The following ATP2B2 variants were observed in gnomAD, a reference collection of about 807,000 sequenced individuals.
ATP2B2 encodes plasma membrane calcium-transporting ATPase 2.
In ATP2B2, 15 loss-of-function variants were observed where a neutral mutation model predicts 120.0. The ratio of observed to expected loss-of-function variants is 0.12; its 90% CI spans 0.08 to 0.19. ATP2B2 has a LOEUF of 0.19. ATP2B2 is among the 10% of genes least tolerant of loss of function. ATP2B2 has a pLI of 1.00. For missense variants in ATP2B2, 1,045 were observed against 1,719.8 expected (o/e 0.61, Z 6.94); for synonymous variants, 694 against 700.3 (o/e 0.99, Z 0.14).
intron 16 of ATP2B2, among the ~76,000 whole-genome samples, chr3:10,348,605 G>A (rs950583385): frequency 6.6e-6 from 1 of 152,184 alleles, no homozygotes; most frequent in African/African-American, 2.4e-5. Flanking sequence ...CTAGCCCTTT[G>A]CAGAGCAGTT....
intron 22 of ATP2B2, chr3:10,331,895 A>G: frequency 7.5e-7 from 1 of 1,337,690 alleles, no homozygotes; most frequent in East Asian, 2.5e-5. Context: ...TGGGTTCTAC[A>G]TACTCGAATG....
chr3:10,370,065 G>A (rs141421231), intron 12 of ATP2B2, among the ~76,000 whole-genome samples: 7 of 152,274 alleles, frequency 4.6e-5, no homozygotes, highest in Admixed American at 3.9e-4. Context: ...CAGATGGACC[G>A]ACTGACCCCT....
chr3:10,399,067 C>T (rs1483398476), intron 5 of ATP2B2, among the ~76,000 whole-genome samples: 1 of 152,212 alleles, frequency 6.6e-6, no homozygotes, highest in African/African-American at 2.4e-5. Flanking sequence ...CTCCAGCTTC[C>T]TGCCAGCATC....
intron 1 of ATP2B2, among the ~76,000 whole-genome samples, chr3:10,678,907 T>C (rs997501216): frequency 6.6e-6 from 1 of 152,098 alleles, no homozygotes; most frequent in African/African-American, 2.4e-5. Flanking sequence ...CAAAGGTAAA[T>C]AGATTTTGCA....
At chr3:10,702,249 C>T (rs1475897581) in intron 1 of ATP2B2, among the ~76,000 whole-genome samples, 1 of 152,132 alleles carries the variant, frequency 6.6e-6, no homozygotes, top group East Asian at 1.9e-4. Context: ...GCTGTGAGGA[C>T]TAGAAGGTAA....
chr3:10,484,471 C>T lies in ATP2B2; in HGVS notation c.-320+20994G>A, dbSNP rs971577936. Among the ~76,000 whole-genome samples the T allele has an allele frequency of 1.1e-4, 17 of 152,244 alleles. 1 individual carries two copies. The East Asian group carries it at 2.5e-3, about 23-fold the overall frequency. Reference sequence around the variant, plus strand: ...CCCCCACAGCCACCTCACTGCTGGCCGCGGGGGTCTCTGTGGCATTTTGAG... The same window carrying T: ...CCCCCACAGCCACCTCACTGCTGGCTGCGGGGGTCTCTGTGGCATTTTGAG... On this transcript the variant is annotated intron_variant, in intron 1 of 22. Coordinates refer to ENST00000360273, the MANE Select transcript of ATP2B2 (RefSeq NM_001001331.4).
intron 1 of ATP2B2, among the ~76,000 whole-genome samples, chr3:10,491,493 T>C (rs703904): frequency 0.68 from 103,757 of 152,106 alleles, 36,478 homozygotes; most frequent in African/African-American, 0.84. Context: ...CCCAATGTGC[T>C]GGGATTACAG....
At chr3:10,578,046 T>C (rs2068294712) in intron 2 of ATP2B2, among the ~76,000 whole-genome samples, 1 of 152,204 alleles carries the variant, frequency 6.6e-6, no homozygotes, top group East Asian at 1.9e-4. Context: ...CCCTGTGATC[T>C]AGGCCCTAGA....
At chr3:10,332,739 G>A (rs2060015092) in intron 22 of ATP2B2, among the ~76,000 whole-genome samples, 1 of 152,130 alleles carries the variant, frequency 6.6e-6, no homozygotes, top group Non-Finnish European at 1.5e-5. Context: ...TCCGGAGTCT[G>A]ACCTCTTGCC....
At chr3:10,661,515 T>C (rs1225391942) in intron 1 of ATP2B2, among the ~76,000 whole-genome samples, 1 of 152,084 alleles carries the variant, frequency 6.6e-6, no homozygotes, top group Non-Finnish European at 1.5e-5. Flanking sequence ...TCAAAGAGAA[T>C]GAAATACCTA....
intron 2 of ATP2B2, among the ~76,000 whole-genome samples, chr3:10,589,542 C>T (rs1357104826): frequency 2.0e-5 from 3 of 152,216 alleles, no homozygotes; most frequent in African/African-American, 7.2e-5. Context: ...GGGACAGGGT[C>T]TGCTTTGGAT....
rs113818021 is a variant in ATP2B2, at chr3:10,629,943, A to G, written c.-459-9982T>C. On this transcript the variant is annotated intron_variant, in intron 1 of 21. Coordinates refer to the ATP2B2 transcript ENST00000646379. ...AGTGTCTGATTGTAAACACACCCAA[A>G]TCTGTGACAAAGACTGGGCAAAGCC... is the stretch of plus-strand genomic sequence containing the variant. Among the ~76,000 whole-genome samples, 44 of 152,298 alleles carry G rather than the reference A, an allele frequency of 2.9e-4. 1 individual carries two copies. The highest frequency in any genetic ancestry group is 1.0e-3 in the African/African-American group (43 of 41,562).
At chr3:10,424,747 G>A (rs2063094486) in intron 2 of ATP2B2, among the ~76,000 whole-genome samples, 2 of 152,128 alleles carry the variant, frequency 1.3e-5, no homozygotes. Flanking sequence ...TACTAACATA[G>A]AAGACTCTCC....
chr3:10,521,673 T>C (rs1033707614), intron 3 of ATP2B2, among the ~76,000 whole-genome samples: 1 of 152,232 alleles, frequency 6.6e-6, no homozygotes, highest in Non-Finnish European at 1.5e-5. Flanking sequence ...AAGGTGCTTG[T>C]ATTGTGATAT....
At chr3:10,579,555 C>T (rs1225997224) in intron 2 of ATP2B2, among the ~76,000 whole-genome samples, 3 of 152,152 alleles carry the variant, frequency 2.0e-5, no homozygotes, top group Non-Finnish European at 4.4e-5. Context: ...ACACCTGTAA[C>T]TCCAGCACTT....
intron 2 of ATP2B2, among the ~76,000 whole-genome samples, chr3:10,535,280 ACCTC>A (rs1211739444): frequency 1.3e-5 from 2 of 151,918 alleles, no homozygotes; most frequent in African/African-American, 4.8e-5. Context: ...GATCCCATGC[ACCTC>A]CCTCCAGACT....
intron 2 of ATP2B2, among the ~76,000 whole-genome samples, chr3:10,584,112 GCTTTCCGCTTGGA>G (rs1575524336): frequency 6.6e-6 from 1 of 152,292 alleles, no homozygotes; most frequent in East Asian, 1.9e-4. Flanking sequence ...GAGGAAGAGA[GCTTTCCGCTTGGA>G]CTTGAGGCAG....
intron 3 of ATP2B2, among the ~76,000 whole-genome samples, chr3:10,514,927 C>A (rs2066846659): frequency 6.6e-6 from 1 of 152,226 alleles, no homozygotes; most frequent in South Asian, 2.1e-4. Flanking sequence ...GGCAAGACAG[C>A]CGCAGTGGGC....
intron 14 of ATP2B2, among the ~76,000 whole-genome samples, chr3:10,357,876 G>C (rs1166588927): frequency 6.6e-6 from 1 of 152,156 alleles, no homozygotes; most frequent in African/African-American, 2.4e-5. Flanking sequence ...CCTTTCTTCA[G>C]CCTGGGAAGC....
Sources: gnomAD v4.1 joint callset for allele counts (sites outside exome capture counted in the v4.1 genomes callset) on GRCh38, gnomAD v4.1.1 for gene constraint, MANE v1.5 for transcripts, NCBI Gene and HGNC (gene_info 2026-07-23, HGNC 2026-07-21) for gene names.